Variants in DUSP4 observed in about 807,000 individuals in gnomAD.
DUSP4 encodes dual specificity protein phosphatase 4.
Under a neutral mutation model 27.2 loss-of-function variants are expected in DUSP4, and 12 were observed. The ratio of observed to expected loss-of-function variants is 0.44; its 90% confidence interval spans 0.28 to 0.71. The LOEUF (loss-of-function observed/expected upper bound fraction) is 0.71. DUSP4 is among the 30% of genes least tolerant of loss of function. The pLI is 0.14. For synonymous variants in DUSP4, 257 were observed against 245.2 expected, an observed-to-expected ratio of 1.05 and a Z score of -0.45; for missense variants, 448 against 551.3, an observed-to-expected ratio of 0.81 and a Z score of 1.88.
intron 1 of DUSP4, among the ~76,000 whole-genome samples, chr8:29,349,346 T>A (rs1817787439): frequency 6.6e-6 from 1 of 152,252 alleles, no homozygotes; most frequent in Non-Finnish European, 1.5e-5. Flanking sequence ...CTTTCTGCAT[T>A]TGCCAGGGTC....
chr8:29,349,213 C>T (rs1195036293), intron 1 of DUSP4, among the ~76,000 whole-genome samples: 1 of 152,256 alleles, frequency 6.6e-6, no homozygotes, highest in Non-Finnish European at 1.5e-5. Flanking sequence ...CCTTCAGCCT[C>T]CCGCTCCCAG....
rs142857847 is a variant in DUSP4, at chr8:29,335,832, A to T, written c.*1194T>A. 1 of 152,340 alleles carries T rather than the reference A, an allele frequency of 6.6e-6. No individual in the cohort carries two copies. Among genetic ancestry groups the T allele is most frequent in the African/African-American group, 2.4e-5 (1 of 41,580 alleles). 9.4% of individuals were successfully genotyped at this position (152,340 alleles called of 1,614,324 possible). On this transcript the variant is annotated 3_prime_UTR_variant, in exon 4 of 4. Coordinates refer to ENST00000240100, the MANE Select transcript of DUSP4 (RefSeq NM_001394.7). ...GCATATTGATCACAGACGATAGACAAGTCTTAGGCAGGTTTATGCAAAAAA... is the reference window on the plus strand; with the variant it reads ...GCATATTGATCACAGACGATAGACATGTCTTAGGCAGGTTTATGCAAAAAA...
At chr8:29,348,791 G>A (rs1817777103) in intron 1 of DUSP4, 1 of 985,182 alleles carries the variant, frequency 1.0e-6, no homozygotes, top group Non-Finnish European at 1.2e-6. Flanking sequence ...ATGGGTGTGG[G>A]GGGGTCTGAA....
rs896961912 is a variant in DUSP4, at chr8:29,348,874, A to G, written c.433+972T>C. 4 of 859,562 alleles carry G rather than the reference A, an allele frequency of 4.7e-6. No individual in the cohort carries two copies. In the African/African-American group the frequency reaches 5.4e-5, roughly 12 times the overall value. The allele number at this position is 859,562 out of a possible 1,614,324, so 53.2% of individuals were successfully genotyped here. Reference sequence around the variant, plus strand: ...CGCGGAATGCGGCGGCGGGAGGCGGAGGCGCAGCGCGGCGGGGGGCGCCCG... The same window carrying G: ...CGCGGAATGCGGCGGCGGGAGGCGGGGGCGCAGCGCGGCGGGGGGCGCCCG... On this transcript the variant is annotated intron_variant, in intron 1 of 3. Transcript: ENST00000240100.
intron 1 of DUSP4, chr8:29,345,761 C>A (rs1260218350): frequency 9.2e-6 from 12 of 1,307,242 alleles, no homozygotes; most frequent in Non-Finnish European, 3.9e-6. Context: ...AAATTTCACT[C>A]TCAATTTACA....
chr8:29,348,420 G>A (rs1435272944), intron 1 of DUSP4: 8 of 985,598 alleles, frequency 8.1e-6, no homozygotes, highest in Admixed American at 6.1e-5. Flanking sequence ...AGCGCTTTGG[G>A]GAGAAGGGAG....
rs1817557901 is a variant in DUSP4, at chr8:29,335,411, ATT to A, written c.*1613_*1614del. 6.6e-6 allele frequency: 1 copy of A among 152,110 alleles called. No homozygotes were observed. Among genetic ancestry groups the A allele is most frequent in the African/African-American group, 2.4e-5 (1 of 41,416 alleles). 9.4% of individuals were successfully genotyped at this position (152,110 alleles called of 1,614,324 possible). A position where few individuals can be genotyped will look rare whatever the true frequency, so the allele number is the denominator to read the frequency against. On this transcript the variant is annotated 3_prime_UTR_variant, in exon 4 of 4. Transcript: ENST00000240100. ...GCCCCAACCCCACCCTGGCGCTTTG[ATT>A]TCCAGTTTGGGAAATTCATACCAAT...
intron 2 of DUSP4, among the ~76,000 whole-genome samples, chr8:29,339,320 G>A (rs977000653): frequency 6.6e-6 from 1 of 152,228 alleles, no homozygotes; most frequent in African/African-American, 2.4e-5. Context: ...TGAAAGGGCT[G>A]GAGGGTGGGC....
intron 1 of DUSP4, chr8:29,347,844 C>G: frequency 1.0e-6 from 1 of 985,614 alleles, no homozygotes; most frequent in Non-Finnish European, 1.2e-6. Context: ...CCAGGGCTCT[C>G]GAATCGGTCT....
chr8:29,349,987 G>T lies in DUSP4; in HGVS notation c.292C>A (p.Arg98Ser), dbSNP rs778315772. 2.5e-6 allele frequency: 4 copies of T among 1,569,036 alleles called. No individual in the cohort carries two copies. Among genetic ancestry groups the T allele is most frequent in the Non-Finnish European group, 2.6e-6 (3 of 1,162,338 alleles). The change falls in exon 1 of 4, where the codon CGC becomes AGC. Residue 98 changes from arginine (R) to serine (S), a missense_variant. Coordinates refer to ENST00000240100, the MANE Select transcript of DUSP4 (RefSeq NM_001394.7). ...PAEEEVRARL[R>S]SGLYSAVIVY... ...ATGACCGCCGAGTAGAGGCCGGAGC[G>T]CAAGCGGGCGCGTACCTCCTCCTCG...
Position 29,336,837 on chromosome 8 carries a change from G to C in DUSP4, c.*189C>G, listed in dbSNP as rs969021843. On this transcript the variant is annotated 3_prime_UTR_variant, in exon 4 of 4. Transcript: ENST00000240100. ...TTATTGCTCTAAGTTGGAGTGTTCTGTTTGCTTTTATTATGTATTCGGAGT... is the reference window on the plus strand; with the variant it reads ...TTATTGCTCTAAGTTGGAGTGTTCTCTTTGCTTTTATTATGTATTCGGAGT... The C allele has an allele frequency of 2.5e-6, 2 of 805,904 alleles. No homozygotes were observed. The highest frequency in any genetic ancestry group is 3.5e-5 in the African/African-American group (2 of 56,902). 49.9% of individuals were successfully genotyped at this position (805,904 alleles called of 1,614,324 possible). A position where few individuals can be genotyped will look rare whatever the true frequency, so the allele number is the denominator to read the frequency against.
intron 2 of DUSP4, among the ~76,000 whole-genome samples, chr8:29,339,556 G>A (rs1231996811): frequency 6.7e-6 from 1 of 149,434 alleles, no homozygotes; most frequent in Non-Finnish European, 1.5e-5. Flanking sequence ...GGCCAAGCCA[G>A]GGAGTCATGT....
Position 29,337,297 on chromosome 8 carries a change from TC to T in DUSP4, c.913del (p.Glu305ArgfsTer118). 6.2e-7 allele frequency: 1 copy of T among 1,613,310 alleles called. No individual in the cohort carries two copies. Among genetic ancestry groups the T allele is most frequent in the Non-Finnish European group, 8.5e-7 (1 of 1,179,992 alleles). ...LMMKKRVRLE[E>X]AFEFVKQRRS... ...GCGCTGCTTAACGAACTCGAAGGCCTCCTCCAGCCTCACCCGTTTCTTCATC... is the reference window on the plus strand; with the variant it reads ...GCGCTGCTTAACGAACTCGAAGGCCTCTCCAGCCTCACCCGTTTCTTCATC... On this transcript the variant is annotated frameshift_variant, in exon 4 of 4. Transcript: ENST00000240100. LOFTEE classifies it high-confidence loss of function. The surrounding 1 kb of genome is among the most constrained non-coding windows in gnomAD (Gnocchi z 6.4).
intron 1 of DUSP4, among the ~76,000 whole-genome samples, chr8:29,343,309 G>A (rs1461710378): frequency 6.6e-6 from 1 of 152,204 alleles, no homozygotes; most frequent in East Asian, 1.9e-4. Context: ...CACTAAAGGG[G>A]GTTCCTTTTG....
At chr8:29,346,932 C>T (rs1003686949) in intron 1 of DUSP4, among the ~76,000 whole-genome samples, 2 of 152,212 alleles carry the variant, frequency 1.3e-5, no homozygotes, top group Non-Finnish European at 2.9e-5. Flanking sequence ...TACTGCTTCT[C>T]CTAACCCCTC....
rs10100467 is a variant in DUSP4 at position 29,333,707 on chromosome 8, T to A, written c.*3319A>T. 5 of 152,218 alleles carry A rather than the reference T, an allele frequency of 3.3e-5. No homozygotes were observed. Among genetic ancestry groups the A allele is most frequent in the African/African-American group, 1.2e-4 (5 of 41,402 alleles). 9.4% of individuals were successfully genotyped at this position (152,218 alleles called of 1,614,324 possible). A position where few individuals can be genotyped will look rare whatever the true frequency, so the allele number is the denominator to read the frequency against. On this transcript the variant is annotated 3_prime_UTR_variant, in exon 4 of 4. Transcript: ENST00000240100. ...ACACCCGGGGAGCTACGAAACACAC[T>A]GATGCCTGAGTCCCCCACCTAGAAT... is the stretch of plus-strand genomic sequence containing the variant.
chr8:29,348,910 G>T (rs952213013), intron 1 of DUSP4: 9 of 418,104 alleles, frequency 2.2e-5, no homozygotes, highest in African/African-American at 1.2e-4. Context: ...GACCCCACGC[G>T]CCCTGCCCGC....
intron 1 of DUSP4, chr8:29,348,652 G>A (rs1457124180): frequency 1.0e-6 from 1 of 985,440 alleles, no homozygotes; most frequent in Non-Finnish European, 1.2e-6. Flanking sequence ...TGTGCTTTTT[G>A]GAGGGGAGAG....
intron 1 of DUSP4, among the ~76,000 whole-genome samples, chr8:29,343,895 C>T (rs1817689907): frequency 6.6e-6 from 1 of 152,218 alleles, no homozygotes. Flanking sequence ...GACTTCCACT[C>T]AGTCCCTCCT....
Sources: gnomAD v4.1 joint callset for allele counts (sites outside exome capture counted in the v4.1 genomes callset) on GRCh38, gnomAD v4.1.1 for gene constraint, Gnocchi (gnomAD v3.1) non-coding constraint, MANE v1.5 for transcripts, NCBI Gene and HGNC (gene_info 2026-07-23, HGNC 2026-07-21) for gene names.